Variants in PCDHGB4 observed in about 807,000 individuals in gnomAD.
The protein encoded by PCDHGB4 is protocadherin gamma subfamily B, 4, also known as protocadherin gamma-B4.
PCDHGB4 carries 38 observed loss-of-function variants against 60.5 expected under a neutral mutation model. The ratio of observed to expected loss-of-function variants is 0.63; its 90% CI spans 0.48 to 0.82. The LOEUF is 0.82. PCDHGB4 is among the 40% of genes least tolerant of loss of function. The pLI is 0.00. For synonymous variants in PCDHGB4, 456 were observed against 509.7 expected (o/e 0.89, Z 1.42); for missense variants, 1,109 against 1,209.6 (o/e 0.92, Z 1.23).
In PCDHGB4 at chr5:141,393,848, A is replaced by G. The variant is rs1368797606; in HGVS notation, c.2397+3567A>G. Reference sequence around the variant, plus strand: ...TGGAAGATGTAAATGACAATAGACCAGAAGTGATCATTACGTCTTTGTTTA... The same window carrying G: ...TGGAAGATGTAAATGACAATAGACCGGAAGTGATCATTACGTCTTTGTTTA... On this transcript the variant is annotated intron_variant, in intron 1 of 3. Transcript: ENST00000519479. 2.5e-6 allele frequency: 4 copies of G among 1,614,008 alleles called. No individual in the cohort carries two copies. The South Asian group carries it at 4.4e-5, about 18-fold the overall frequency.
At chr5:141,474,834 A>G (rs557557147) in intron 1 of PCDHGB4, among the ~76,000 whole-genome samples, 4 of 152,380 alleles carry the variant, frequency 2.6e-5, no homozygotes, top group South Asian at 4.1e-4. Context: ...ACTCTGTGCC[A>G]GGCACTTTAC....
intron 1 of PCDHGB4, chr5:141,393,048 C>T (rs745354934): frequency 1.2e-6 from 2 of 1,613,672 alleles, no homozygotes; most frequent in African/African-American, 1.3e-5. Context: ...TGCTCTGAAC[C>T]CGCGCAGCGG....
chr5:141,485,359 C>T lies in PCDHGB4; in HGVS notation c.2398-9448C>T. ...TGGATACGGACAGTCTGTCAGCTCG[C>T]AGGCTGCAGGTCGCTGGAGAGGTGA... is the stretch of plus-strand genomic sequence containing the variant. On this transcript the variant is annotated intron_variant, in intron 1 of 3. Transcript: ENST00000519479. The surrounding 1 kb of genome is among the most constrained non-coding windows in gnomAD (Gnocchi z 5.7). 6.2e-7 allele frequency: 1 copy of T among 1,614,144 alleles called. No homozygotes were observed. The highest frequency in any genetic ancestry group is 8.5e-7 in the Non-Finnish European group (1 of 1,180,010).
Position 141,389,516 on chromosome 5 carries a change from G to A in PCDHGB4, c.1632G>A (p.Val544=). 1 of 1,613,168 alleles carries A rather than the reference G, an allele frequency of 6.2e-7. No individual in the cohort carries two copies. The highest frequency in any genetic ancestry group is 8.5e-7 in the Non-Finnish European group (1 of 1,179,766). ...GCTCGCCAGCGCTCAGCGCGAACGT[G>A]AGCCTGCGCGTGTTAGTGGACGACC... ...DQGSPALSAN[V]SLRVLVDDRN... The change falls in exon 1 of 4, where the codon GTG becomes GTA. Residue 544 remains valine, a synonymous_variant. Coordinates refer to ENST00000519479, the MANE Select transcript of PCDHGB4 (RefSeq NM_003736.4).
At chr5:141,509,758 C>T (rs574741134) in intron 3 of PCDHGB4, among the ~76,000 whole-genome samples, 17 of 152,202 alleles carry the variant, frequency 1.1e-4, no homozygotes. Flanking sequence ...CTAAAGTGTC[C>T]CTGAGATGTC....
chr5:141,497,649 C>T (rs973501351), intron 2 of PCDHGB4, among the ~76,000 whole-genome samples: 1 of 151,784 alleles, frequency 6.6e-6, no homozygotes, highest in Non-Finnish European at 1.5e-5. Context: ...AAGCGATTCT[C>T]CTGCCTCAGC....
intron 1 of PCDHGB4, chr5:141,408,974 G>A (rs899313364): frequency 6.2e-7 from 1 of 1,613,808 alleles, no homozygotes; most frequent in South Asian, 1.1e-5. Context: ...TCTGCCCCCT[G>A]GGTCCCCTGT....
intron 1 of PCDHGB4, chr5:141,419,381 A>T (rs1170271990): frequency 6.2e-7 from 1 of 1,613,544 alleles, no homozygotes; most frequent in Admixed American, 1.7e-5. Flanking sequence ...CGTGTCCGTG[A>T]GCGCGCAGAG....
intron 1 of PCDHGB4, chr5:141,410,606 G>C: frequency 1.2e-6 from 2 of 1,607,214 alleles, no homozygotes; most frequent in Non-Finnish European, 1.7e-6. Flanking sequence ...TTCACATCCT[G>C]AGACTCTGAC....
chr5:141,442,534 GA>G (rs1156284172), intron 1 of PCDHGB4: 1 of 152,222 alleles, frequency 6.6e-6, no homozygotes, highest in Non-Finnish European at 1.5e-5. Context: ...TCTCCAAGGT[GA>G]AAAATTCTTG....
intron 1 of PCDHGB4, among the ~76,000 whole-genome samples, chr5:141,434,860 A>G (rs2097723622): frequency 6.6e-6 from 1 of 151,982 alleles, no homozygotes; most frequent in African/African-American, 2.4e-5. Flanking sequence ...ATAAATTTAT[A>G]TATATGTGAC....
intron 1 of PCDHGB4, among the ~76,000 whole-genome samples, chr5:141,474,862 T>C (rs1281140736): frequency 6.6e-6 from 1 of 152,264 alleles, no homozygotes; most frequent in Non-Finnish European, 1.5e-5. Context: ...CTTCATTTAA[T>C]AGGATAGGAG....
chr5:141,469,226 A>G (rs998643671), intron 1 of PCDHGB4, among the ~76,000 whole-genome samples: 1 of 152,066 alleles, frequency 6.6e-6, no homozygotes, highest in Non-Finnish European at 1.5e-5. Context: ...TCAGTGAGCC[A>G]TGATCACCCC....
At chr5:141,409,614 T>C in intron 1 of PCDHGB4, 1 of 1,613,880 alleles carries the variant, frequency 6.2e-7, no homozygotes, top group Non-Finnish European at 8.5e-7. Flanking sequence ...GGAGCCTCCA[T>C]TGCGCAAGTG....
chr5:141,483,661 T>TGTGTGA (rs1357903548), intron 1 of PCDHGB4, among the ~76,000 whole-genome samples: 7 of 152,042 alleles, frequency 4.6e-5, no homozygotes, highest in African/African-American at 1.7e-4. Context: ...TGTGTGTGTG[T>TGTGTGA]GTGTGTGTAA....
Position 141,394,674 on chromosome 5 carries a change from C to A in PCDHGB4, c.2397+4393C>A, listed in dbSNP as rs1236446796. ...CGAGCCGGGACTCTTCTCGGTGGGT[C>A]TGCACACGGGCGAGGTGCGCACGGC... On this transcript the variant is annotated intron_variant, in intron 1 of 3. Coordinates refer to ENST00000519479, the MANE Select transcript of PCDHGB4 (RefSeq NM_003736.4). 5.0e-6 allele frequency: 8 copies of A among 1,612,640 alleles called. No homozygotes were observed. The highest frequency in any genetic ancestry group is 6.8e-6 in the Non-Finnish European group (8 of 1,179,760).
intron 1 of PCDHGB4, among the ~76,000 whole-genome samples, chr5:141,444,885 T>C (rs547403761): frequency 6.6e-6 from 1 of 152,320 alleles, no homozygotes; most frequent in African/African-American, 2.4e-5. Flanking sequence ...TGTAGGATTT[T>C]TGAATGGGAT....
intron 1 of PCDHGB4, chr5:141,420,103 G>C (rs754672450): frequency 4.3e-6 from 7 of 1,613,990 alleles, no homozygotes; most frequent in Non-Finnish European, 2.5e-6. Context: ...AGGGAACGTT[G>C]CCCTATGCCT....
intron 1 of PCDHGB4, among the ~76,000 whole-genome samples, chr5:141,445,554 C>T (rs898901856): frequency 3.3e-5 from 5 of 152,102 alleles, no homozygotes; most frequent in African/African-American, 1.2e-4. Context: ...TACAAAAGCA[C>T]TAAGAGAAAG....
Sources: allele counts gnomAD v4.1 joint callset (sites outside exome capture counted in the v4.1 genomes callset), GRCh38; gene constraint gnomAD v4.1.1; non-coding constraint Gnocchi (gnomAD v3.1); transcripts MANE v1.5; gene names NCBI Gene and HGNC (gene_info 2026-07-23, HGNC 2026-07-21).